Variants in OLFM3 observed in about 807,000 individuals in gnomAD.
OLFM3 encodes noelin-3.
In OLFM3, 20 loss-of-function variants were observed where a neutral mutation model predicts 48.6. The observed-to-expected ratio is 0.41, with a 90% CI of 0.29 to 0.60. OLFM3 has a LOEUF of 0.60. Ranked by LOEUF, OLFM3 falls within the 20% of genes least tolerant of loss-of-function variation. The pLI, the probability that OLFM3 is intolerant of heterozygous loss-of-function variation, is 0.28. For missense variants in OLFM3, 437 were observed against 544.3 expected (o/e 0.80, Z 1.96); for synonymous variants, 222 against 198.1 (o/e 1.12, Z -1.01).
intron 1 of OLFM3, among the ~76,000 whole-genome samples, chr1:101,885,442 A>C (rs1657712454): frequency 6.6e-6 from 1 of 152,094 alleles, no homozygotes. Context: ...TAGATAAATG[A>C]AAAAGCAAAA....
intron 1 of OLFM3, among the ~76,000 whole-genome samples, chr1:101,967,438 C>T (rs1359724708): frequency 1.3e-5 from 2 of 151,632 alleles, no homozygotes; most frequent in African/African-American, 4.8e-5. Context: ...TTAAGAAAGG[C>T]AGAAGTTGAT....
chr1:101,892,956 A>T (rs1294065376), intron 1 of OLFM3: 2 of 152,464 alleles, frequency 1.3e-5, no homozygotes, highest in Non-Finnish European at 2.9e-5. Flanking sequence ...AGGAAAAGTA[A>T]GATTTGAATT....
chr1:101,852,122 C>T (rs914721759), intron 1 of OLFM3, among the ~76,000 whole-genome samples: 2 of 150,770 alleles, frequency 1.3e-5, no homozygotes, highest in Non-Finnish European at 2.9e-5. Context: ...TAAATACCAC[C>T]ATACTTTTCC....
At chr1:101,806,035 G>C in intron 5 of OLFM3, 41 bp downstream of exon 5, 1 of 1,445,842 alleles carries the variant, frequency 6.9e-7, no homozygotes, top group South Asian at 1.1e-5. Context: ...AGTGTAAGCA[G>C]AACTTAATTC....
chr1:101,980,574 T>A (rs2101108286), intron 1 of OLFM3, among the ~76,000 whole-genome samples: 1 of 152,278 alleles, frequency 6.6e-6, no homozygotes, highest in Admixed American at 6.5e-5. Context: ...GATTGTAAGT[T>A]TTCTGAGGCC....
At chr1:101,933,201 CAAAAAAAAAAAAA>C (rs761881274) in intron 1 of OLFM3, among the ~76,000 whole-genome samples, 3 of 40,126 alleles carry the variant, frequency 7.5e-5, no homozygotes, top group Middle Eastern at 0.022. Flanking sequence ...GACTCCATCT[CAAAAAAAAAAAAA>C]AAAAAAAAAA....
Position 101,920,995 on chromosome 1 carries a change from A to G in OLFM3, c.69+75753T>C, listed in dbSNP as rs190130849. Among the ~76,000 whole-genome samples the G allele has an allele frequency of 7.9e-5, 12 of 152,228 alleles. No homozygotes were observed. In the East Asian group the frequency reaches 1.5e-3, roughly 20 times the overall value. ...AATATTCTATTAGGTTGTTTGCATCATTCACCTTCTGCTGCCCACCTTCTC... is the reference window on the plus strand; with the variant it reads ...AATATTCTATTAGGTTGTTTGCATCGTTCACCTTCTGCTGCCCACCTTCTC... On this transcript the variant is annotated intron_variant, in intron 1 of 5. Coordinates refer to ENST00000370103, the MANE Select transcript of OLFM3 (RefSeq NM_058170.4).
intron 1 of OLFM3, among the ~76,000 whole-genome samples, chr1:101,882,228 C>A (rs750604181): frequency 6.7e-6 from 1 of 149,678 alleles, no homozygotes; most frequent in Non-Finnish European, 1.5e-5. Context: ...ATATAACAAT[C>A]AAATTTTCAA....
intron 1 of OLFM3, among the ~76,000 whole-genome samples, chr1:101,866,068 G>A (rs762406681): frequency 1.3e-5 from 2 of 152,120 alleles, no homozygotes; most frequent in Admixed American, 6.5e-5. Flanking sequence ...AGTATGTAGA[G>A]CACTAATGAC....
intron 1 of OLFM3, among the ~76,000 whole-genome samples, chr1:101,888,321 A>G (rs1449283739): frequency 6.6e-6 from 1 of 152,172 alleles, no homozygotes; most frequent in Admixed American, 6.6e-5. Flanking sequence ...AATGGAACAG[A>G]ACAGAGCCCT....
intron 1 of OLFM3, among the ~76,000 whole-genome samples, chr1:101,927,089 A>G (rs1245629321): frequency 6.6e-6 from 1 of 152,162 alleles, no homozygotes; most frequent in African/African-American, 2.4e-5. Flanking sequence ...TTTCTAAGGA[A>G]GAGTCACTTT....
At chr1:101,896,701 A>C (rs1658219395) in intron 1 of OLFM3, among the ~76,000 whole-genome samples, 1 of 126,872 alleles carries the variant, frequency 7.9e-6, no homozygotes, top group Non-Finnish European at 1.6e-5. Flanking sequence ...TTTAGTAGAG[A>C]CGGGGTTTCA....
At chr1:101,826,772 A>T (rs1396539916) in intron 3 of OLFM3, among the ~76,000 whole-genome samples, 1 of 152,224 alleles carries the variant, frequency 6.6e-6, no homozygotes, top group Admixed American at 6.5e-5. Flanking sequence ...ATCTTGTGGT[A>T]TCCCTAAAGG....
At chr1:101,836,167 G>A (rs1272533837) in intron 2 of OLFM3, among the ~76,000 whole-genome samples, 2 of 152,030 alleles carry the variant, frequency 1.3e-5, no homozygotes, top group Non-Finnish European at 2.9e-5. Flanking sequence ...CCATAATCTG[G>A]CCACTCCAGC....
Position 101,948,070 on chromosome 1 carries a change from A to G in OLFM3, c.69+48678T>C, listed in dbSNP as rs564472274. On this transcript the variant is annotated intron_variant, in intron 1 of 5. Coordinates refer to ENST00000370103, the MANE Select transcript of OLFM3 (RefSeq NM_058170.4). The stretch of plus-strand genomic sequence containing the variant: ...AAACCAAAAGATAACTGGTCTAAAG[A>G]TTATAAGCAAATTATTAAAATAGGG... Among the ~76,000 whole-genome samples, 7 of 152,316 alleles carry G rather than the reference A, an allele frequency of 4.6e-5. No individual in the cohort carries two copies. In the East Asian group the frequency reaches 1.3e-3, roughly 29 times the overall value.
At chr1:101,914,802 T>C (rs370912692) in intron 1 of OLFM3, among the ~76,000 whole-genome samples, 9 of 152,320 alleles carry the variant, frequency 5.9e-5, no homozygotes, top group African/African-American at 2.2e-4. Context: ...AGGAAAATCA[T>C]TGAAGTTAAA....
At chr1:101,883,850 T>A (rs1657633635) in intron 1 of OLFM3, among the ~76,000 whole-genome samples, 1 of 151,942 alleles carries the variant, frequency 6.6e-6, no homozygotes, top group Non-Finnish European at 1.5e-5. Flanking sequence ...ATGACATTCA[T>A]AATATTTAGA....
At chr1:101,868,330 G>T (rs1235477920) in intron 1 of OLFM3, among the ~76,000 whole-genome samples, 2 of 152,168 alleles carry the variant, frequency 1.3e-5, no homozygotes, top group Non-Finnish European at 2.9e-5. Context: ...TGACCCAAAT[G>T]CAGATAGTGA....
At chr1:101,996,429 C>A (rs1661558317) in intron 1 of OLFM3, among the ~76,000 whole-genome samples, 1 of 152,150 alleles carries the variant, frequency 6.6e-6, no homozygotes. Context: ...CTTTGCATTA[C>A]CCGTCCGACT....
Sources: allele counts gnomAD v4.1 joint callset (sites outside exome capture counted in the v4.1 genomes callset), GRCh38; gene constraint gnomAD v4.1.1; transcripts MANE v1.5; gene names NCBI Gene and HGNC (gene_info 2026-07-23, HGNC 2026-07-21).